Variants in XKR6 observed in about 807,000 individuals in gnomAD.
XKR6 encodes the protein XK-related protein 6.
In XKR6, 22 loss-of-function variants were observed where a neutral mutation model predicts 56.7. The observed-to-expected ratio is 0.39, with a 90% CI of 0.28 to 0.55. The LOEUF (loss-of-function observed/expected upper bound fraction) is 0.55, where lower values mean the gene tolerates loss of function less well. Ranked by LOEUF, XKR6 falls within the 20% of genes least tolerant of loss-of-function variation. The probability of loss-of-function intolerance (pLI) is 0.66; values close to 1 mark genes in which losing one functional copy is unlikely to be tolerated. For synonymous variants in XKR6, 524 were observed against 387.8 expected, an observed-to-expected ratio of 1.35 and a Z score of -4.13; for missense variants, 852 against 889.0, an observed-to-expected ratio of 0.96 and a Z score of 0.53.
At chr8:11,183,611 G>C (rs1166348383) in intron 1 of XKR6, among the ~76,000 whole-genome samples, 1 of 151,958 alleles carries the variant, frequency 6.6e-6, no homozygotes, top group African/African-American at 2.4e-5. Context: ...GTATGAGCCA[G>C]CACACCTGGC....
chr8:10,983,881 T>A (rs1797792230), intron 1 of XKR6, among the ~76,000 whole-genome samples: 1 of 152,136 alleles, frequency 6.6e-6, no homozygotes, highest in Admixed American at 6.5e-5. Context: ...GGTCTTGATC[T>A]CCTGACCTCG....
chr8:11,091,462 G>C (rs112242008), intron 1 of XKR6, among the ~76,000 whole-genome samples: 2,196 of 100,380 alleles, frequency 0.022, 22 homozygotes, highest in Middle Eastern at 0.044. Flanking sequence ...TAAATAGATA[G>C]ATAGATAAAA....
At chr8:10,905,771 A>G (rs1340991061) in intron 2 of XKR6, among the ~76,000 whole-genome samples, 2 of 152,074 alleles carry the variant, frequency 1.3e-5, no homozygotes, top group Admixed American at 6.6e-5. Context: ...TTAGACAGCA[A>G]TTCTTCCCCT....
At chr8:10,954,823 G>GT (rs34180049) in intron 1 of XKR6, among the ~76,000 whole-genome samples, 123 of 138,810 alleles carry the variant, frequency 8.9e-4, no homozygotes, top group Middle Eastern at 3.6e-3. Context: ...ATTTTGACTT[G>GT]TTTTTTTTTG....
At chr8:11,163,959 C>G (rs559792690) in intron 1 of XKR6, among the ~76,000 whole-genome samples, 2 of 152,156 alleles carry the variant, frequency 1.3e-5, no homozygotes, top group Non-Finnish European at 2.9e-5. Context: ...ACAACCATCC[C>G]TCAAACCCAG....
In XKR6 at chr8:10,896,083, T is replaced by TTTTA. The variant is rs1554505516; in HGVS notation, c.*1868_*1869insTAAA. On this transcript the variant is annotated 3_prime_UTR_variant, in exon 3 of 3. Transcript: ENST00000416569. The stretch of plus-strand genomic sequence containing the variant: ...ATTTACTTAAAAATATTGTGTGTGT[T>TTTTA]TATATATATATATATATATATACTT... The TTTTA allele has an allele frequency of 7.1e-6, 1 of 141,188 alleles. No individual in the cohort carries two copies. Among genetic ancestry groups the TTTTA allele is most frequent in the Non-Finnish European group, 1.5e-5 (1 of 65,112 alleles). The allele number at this position is 141,188 out of a possible 1,614,324, so 8.7% of individuals were successfully genotyped here. A position where few individuals can be genotyped will look rare whatever the true frequency, so the allele number is the denominator to read the frequency against.
intron 1 of XKR6, among the ~76,000 whole-genome samples, chr8:10,984,964 G>A (rs1055575595): frequency 6.6e-6 from 1 of 151,226 alleles, no homozygotes; most frequent in Non-Finnish European, 1.5e-5. Flanking sequence ...TTTTGAAACG[G>A]GGTCCTGCTC....
intron 1 of XKR6, among the ~76,000 whole-genome samples, chr8:11,183,472 T>A (rs1585029453): frequency 1.3e-5 from 2 of 151,090 alleles, no homozygotes; most frequent in Non-Finnish European, 2.9e-5. Flanking sequence ...CCACCACACC[T>A]GTCTAGTTTT....
chr8:11,023,581 G>T (rs1250023013), intron 1 of XKR6, among the ~76,000 whole-genome samples: 2 of 152,180 alleles, frequency 1.3e-5, no homozygotes, highest in Admixed American at 6.5e-5. Flanking sequence ...TTTCTAAAGA[G>T]ATTTTCTATC....
At chr8:11,001,041 A>G (rs1798226474) in intron 1 of XKR6, among the ~76,000 whole-genome samples, 1 of 152,190 alleles carries the variant, frequency 6.6e-6, no homozygotes, top group Non-Finnish European at 1.5e-5. Flanking sequence ...TCAAGTATGA[A>G]CTCTGGATTT....
At chr8:11,115,712 G>T (rs1033964827) in intron 1 of XKR6, among the ~76,000 whole-genome samples, 2 of 152,074 alleles carry the variant, frequency 1.3e-5, no homozygotes, top group Admixed American at 1.3e-4. Context: ...TCTGCCTAGG[G>T]TCCCATTACT....
At chr8:11,057,662 C>T (rs559845797) in intron 1 of XKR6, among the ~76,000 whole-genome samples, 4 of 152,326 alleles carry the variant, frequency 2.6e-5, no homozygotes, top group East Asian at 3.9e-4. Context: ...ACCCAGGCTC[C>T]ATTGGCGACT....
At chr8:11,028,251 A>T (rs919936541) in intron 1 of XKR6, among the ~76,000 whole-genome samples, 3 of 152,110 alleles carry the variant, frequency 2.0e-5, no homozygotes, top group African/African-American at 7.2e-5. Context: ...TCACTTAGGA[A>T]TAGGTTCTTC....
intron 1 of XKR6, among the ~76,000 whole-genome samples, chr8:10,950,680 T>C (rs747526569): frequency 9.9e-5 from 15 of 152,238 alleles, no homozygotes; most frequent in African/African-American, 2.7e-4. Context: ...CATTCGTTCA[T>C]ACCTCAACAC....
At chr8:10,952,614 T>C (rs1801759796) in intron 1 of XKR6, among the ~76,000 whole-genome samples, 1 of 152,156 alleles carries the variant, frequency 6.6e-6, no homozygotes, top group South Asian at 2.1e-4. Context: ...CCACCATGCC[T>C]GGCTAATTTT....
At chr8:10,990,169 T>C (rs962908765) in intron 1 of XKR6, among the ~76,000 whole-genome samples, 2 of 152,152 alleles carry the variant, frequency 1.3e-5, no homozygotes, top group Non-Finnish European at 2.9e-5. Context: ...TTTGAATGAG[T>C]AGAGGTTTAT....
intron 1 of XKR6, among the ~76,000 whole-genome samples, chr8:11,135,770 T>C (rs1669062963): frequency 6.7e-6 from 1 of 150,346 alleles, no homozygotes; most frequent in South Asian, 2.1e-4. Context: ...AAAACCACCA[T>C]ACAGAAAAAA....
intron 1 of XKR6, among the ~76,000 whole-genome samples, chr8:10,978,787 C>T (rs539510846): frequency 2.0e-5 from 3 of 152,212 alleles, no homozygotes; most frequent in Non-Finnish European, 2.9e-5. Flanking sequence ...AACTCCTCCC[C>T]CCGTGCTGAC....
At chr8:10,917,195 CT>C (rs1800586999) in intron 2 of XKR6, among the ~76,000 whole-genome samples, 1 of 152,096 alleles carries the variant, frequency 6.6e-6, no homozygotes. Context: ...GCTGTGTGAC[CT>C]GCTCAACTGC....
Sources: allele counts gnomAD v4.1 joint callset (sites outside exome capture counted in the v4.1 genomes callset), GRCh38; gene constraint gnomAD v4.1.1; transcripts MANE v1.5; gene names NCBI Gene and HGNC (gene_info 2026-07-23, HGNC 2026-07-21).